The following DOCK1 variants were observed in gnomAD, a reference collection of about 807,000 sequenced individuals.
The protein encoded by DOCK1 is dedicator of cytokinesis protein 1.
Under a neutral mutation model 262.7 loss-of-function variants are expected in DOCK1, and 138 were observed. That is an observed-to-expected ratio of 0.53 (90% CI 0.46 to 0.61). DOCK1 has a LOEUF of 0.61. Among genes scored for constraint, DOCK1 ranks in the 20% least tolerant of loss-of-function variants. DOCK1 has a pLI of 0.00. For synonymous variants in DOCK1, 866 were observed against 867.4 expected (o/e 1.00, Z 0.03); for missense variants, 1,908 against 2,370.7 (o/e 0.80, Z 4.05).
At chr10:127,230,395 AC>A (rs2058797979) in intron 27 of DOCK1, among the ~76,000 whole-genome samples, 1 of 152,060 alleles carries the variant, frequency 6.6e-6, no homozygotes, top group African/African-American at 2.4e-5. Context: ...TAGCAGTTTT[AC>A]AGTTTCAGGC....
chr10:127,053,421 TTCC>T (rs1321601348), intron 22 of DOCK1, among the ~76,000 whole-genome samples: 4 of 152,200 alleles, frequency 2.6e-5, no homozygotes, highest in Non-Finnish European at 5.9e-5. Flanking sequence ...ACTCTGGGAT[TTCC>T]TCCTCCTCTT....
intron 23 of DOCK1, among the ~76,000 whole-genome samples, chr10:127,084,509 T>G (rs957451810): frequency 1.3e-5 from 2 of 152,208 alleles, no homozygotes; most frequent in Admixed American, 1.3e-4. Context: ...CCCATTCAGA[T>G]GCAGTATTCT....
intron 31 of DOCK1, among the ~76,000 whole-genome samples, chr10:127,345,918 T>C (rs980377552): frequency 2.0e-5 from 3 of 152,190 alleles, no homozygotes; most frequent in Non-Finnish European, 4.4e-5. Flanking sequence ...GTGCAGACGG[T>C]AGTGACCAAC....
At position 127,304,917 on chromosome 10, in the gene DOCK1, A is replaced by G. The variant is rs570790984; in HGVS notation, c.3045-34089A>G. Reference sequence around the variant, plus strand: ...AAACAACAACAACAAAAAAACTCACATAAGTGTACCTTAGGCTTTTTTTGT... The same window carrying G: ...AAACAACAACAACAAAAAAACTCACGTAAGTGTACCTTAGGCTTTTTTTGT... On this transcript the variant is annotated intron_variant, in intron 29 of 51. Coordinates refer to ENST00000623213, the MANE Select transcript of DOCK1 (RefSeq NM_001290223.2). Among the ~76,000 whole-genome samples the G allele has an allele frequency of 4.6e-5, 7 of 152,298 alleles. No individual in the cohort carries two copies. The East Asian group carries it at 1.2e-3, about 25-fold the overall frequency.
chr10:127,200,798 C>T (rs986059540), intron 27 of DOCK1, among the ~76,000 whole-genome samples: 8 of 152,204 alleles, frequency 5.3e-5, no homozygotes, highest in African/African-American at 1.4e-4. Context: ...GTAAACATCA[C>T]CAGTGTGTTC....
chr10:127,006,360 C>T (rs1353437413), intron 10 of DOCK1, among the ~76,000 whole-genome samples: 4 of 152,226 alleles, frequency 2.6e-5, no homozygotes, highest in Non-Finnish European at 4.4e-5. Context: ...TCCAGCATCA[C>T]GCGGTGCCGT....
intron 29 of DOCK1, among the ~76,000 whole-genome samples, chr10:127,322,200 T>A (rs2062563164): frequency 7.8e-6 from 1 of 127,894 alleles, no homozygotes; most frequent in African/African-American, 3.1e-5. Flanking sequence ...TTTTTTTTTT[T>A]TTTCCTGGAG....
chr10:127,193,949 A>G (rs1309891047), intron 27 of DOCK1, among the ~76,000 whole-genome samples: 1 of 152,224 alleles, frequency 6.6e-6, no homozygotes, highest in Admixed American at 6.5e-5. Flanking sequence ...TTTCTTAACC[A>G]GTAATTCTGT....
chr10:127,247,747 C>A (rs1183478631), intron 27 of DOCK1, among the ~76,000 whole-genome samples: 1 of 152,116 alleles, frequency 6.6e-6, no homozygotes, highest in Non-Finnish European at 1.5e-5. Context: ...CATTGTGAGA[C>A]CCCCTCAAGG....
chr10:127,253,616 G>A (rs949521763), intron 28 of DOCK1, among the ~76,000 whole-genome samples: 1 of 152,128 alleles, frequency 6.6e-6, no homozygotes, highest in Non-Finnish European at 1.5e-5. Context: ...GCTCATGCCT[G>A]TAATCCCAGC....
chr10:127,352,285 A>G (rs1167777948), intron 31 of DOCK1, among the ~76,000 whole-genome samples: 3 of 35,514 alleles, frequency 8.4e-5, no homozygotes, highest in East Asian at 1.0e-3. Flanking sequence ...GAGGGGTGGG[A>G]AGCATCGGGG....
chr10:127,310,265 A>T (rs1031955851), intron 29 of DOCK1, among the ~76,000 whole-genome samples: 1 of 86,414 alleles, frequency 1.2e-5, no homozygotes, highest in Non-Finnish European at 2.4e-5. Flanking sequence ...CCCCCACCCC[A>T]CCCCCTTACC....
chr10:127,324,474 C>T (rs1342220755), intron 29 of DOCK1, among the ~76,000 whole-genome samples: 1 of 152,130 alleles, frequency 6.6e-6, no homozygotes, highest in Non-Finnish European at 1.5e-5. Context: ...GACTGGGGAC[C>T]CATGTACATG....
At chr10:126,972,480 G>T (rs80048753) in intron 2 of DOCK1, among the ~76,000 whole-genome samples, 609 of 152,190 alleles carry the variant, frequency 4.0e-3, no homozygotes, top group Non-Finnish European at 6.8e-3. Context: ...TGAAAGGGTG[G>T]TTCCCATATA....
At chr10:127,238,206 TG>T in intron 27 of DOCK1, among the ~76,000 whole-genome samples, 1 of 152,328 alleles carries the variant, frequency 6.6e-6, no homozygotes, top group South Asian at 2.1e-4. Flanking sequence ...CCCCACCATT[TG>T]TCTTGTCAAA....
intron 27 of DOCK1, among the ~76,000 whole-genome samples, chr10:127,228,545 G>A (rs1006310829): frequency 1.3e-5 from 2 of 152,178 alleles, no homozygotes; most frequent in African/African-American, 2.4e-5. Flanking sequence ...TGGCTTGGTC[G>A]TAGCCTTTGC....
chr10:127,299,610 C>T (rs1035714317), intron 29 of DOCK1, among the ~76,000 whole-genome samples: 15 of 152,214 alleles, frequency 9.9e-5, no homozygotes, highest in Non-Finnish European at 1.8e-4. Context: ...GCCTTGCCAG[C>T]ACCTGGATTT....
At chr10:127,029,739 T>C (rs2043111064) in intron 16 of DOCK1, among the ~76,000 whole-genome samples, 2 of 152,198 alleles carry the variant, frequency 1.3e-5, no homozygotes, top group African/African-American at 4.8e-5. Flanking sequence ...GATGTGAAGA[T>C]GCAGAATGTT....
At chr10:127,206,523 G>A (rs2057732674) in intron 27 of DOCK1, among the ~76,000 whole-genome samples, 1 of 152,146 alleles carries the variant, frequency 6.6e-6, no homozygotes, top group South Asian at 2.1e-4. Context: ...ATTGTTTGTT[G>A]TGGATTTCTG....
Sources: allele counts gnomAD v4.1 joint callset (sites outside exome capture counted in the v4.1 genomes callset), GRCh38; gene constraint gnomAD v4.1.1; transcripts MANE v1.5; gene names NCBI Gene and HGNC (gene_info 2026-07-23, HGNC 2026-07-21).